SYT1: variants seen among roughly 807,000 people sequenced by gnomAD.
SYT1 encodes the protein synaptotagmin-1.
In SYT1, 8 loss-of-function variants were observed where a neutral mutation model predicts 44.8. The ratio of observed to expected loss-of-function variants is 0.18; its 90% CI spans 0.10 to 0.32. The LOEUF is 0.32. Ranked by LOEUF, SYT1 falls within the 10% of genes least tolerant of loss-of-function variation. The pLI is 1.00. For synonymous variants in SYT1, 154 were observed against 188.8 expected (o/e 0.82, Z 1.51); for missense variants, 286 against 509.3 (o/e 0.56, Z 4.22).
chr12:78,963,058 A>G (rs1185157511), intron 1 of SYT1, among the ~76,000 whole-genome samples: 1 of 152,096 alleles, frequency 6.6e-6, no homozygotes, highest in African/African-American at 2.4e-5. Flanking sequence ...ACCATGAAGT[A>G]TTTGACCTTC....
At chr12:79,214,522 A>T (rs116965668) in intron 3 of SYT1, among the ~76,000 whole-genome samples, 229 of 152,310 alleles carry the variant, frequency 1.5e-3, no homozygotes, top group Non-Finnish European at 2.7e-3. Flanking sequence ...TATATGTAGA[A>T]ATTTTTTATG....
intron 9 of SYT1, among the ~76,000 whole-genome samples, chr12:79,428,450 G>C (rs183118143): frequency 1.4e-4 from 21 of 152,284 alleles, no homozygotes; most frequent in African/African-American, 4.6e-4. Context: ...AGGCCTTTAA[G>C]TGTCTTTTCC....
At chr12:79,004,814 A>T (rs1870969087) in intron 2 of SYT1, among the ~76,000 whole-genome samples, 1 of 152,008 alleles carries the variant, frequency 6.6e-6, no homozygotes, top group Non-Finnish European at 1.5e-5. Flanking sequence ...TGATTCAGTA[A>T]CTTGCCCAGG....
chr12:79,441,145 C>T (rs1172324353), intron 9 of SYT1, among the ~76,000 whole-genome samples: 1 of 152,166 alleles, frequency 6.6e-6, no homozygotes, highest in Non-Finnish European at 1.5e-5. Context: ...TAAGTTTCTT[C>T]CAGCTTTTGT....
chr12:79,081,569 G>A (rs1176678608), intron 3 of SYT1, among the ~76,000 whole-genome samples: 1 of 151,776 alleles, frequency 6.6e-6, no homozygotes, highest in Non-Finnish European at 1.5e-5. Flanking sequence ...TAGTGGAGAC[G>A]GGTTTCATCA....
chr12:78,875,681 G>A (rs1874029864), intron 1 of SYT1, among the ~76,000 whole-genome samples: 1 of 151,632 alleles, frequency 6.6e-6, no homozygotes, highest in Non-Finnish European at 1.5e-5. Flanking sequence ...ATCTCACCAT[G>A]CTTTAAATAT....
chr12:79,409,906 A>G (rs1333505713), intron 9 of SYT1, among the ~76,000 whole-genome samples: 2 of 149,914 alleles, frequency 1.3e-5, no homozygotes, highest in Non-Finnish European at 3.0e-5. Flanking sequence ...AAGAAAAAGT[A>G]TCACTCTAAA....
At chr12:78,881,955 A>G (rs1874480214) in intron 1 of SYT1, among the ~76,000 whole-genome samples, 2 of 141,852 alleles carry the variant, frequency 1.4e-5, no homozygotes, top group Admixed American at 7.1e-5. Flanking sequence ...TTTGTCTCCC[A>G]TTATATTTCC....
intron 1 of SYT1, among the ~76,000 whole-genome samples, chr12:78,906,609 G>A (rs1041690064): frequency 6.6e-6 from 1 of 152,104 alleles, no homozygotes; most frequent in Non-Finnish European, 1.5e-5. Flanking sequence ...AAGTTGTGAG[G>A]GATACACTGG....
At chr12:78,979,740 T>A (rs1187143748) in intron 2 of SYT1, among the ~76,000 whole-genome samples, 1 of 152,136 alleles carries the variant, frequency 6.6e-6, no homozygotes, top group African/African-American at 2.4e-5. Flanking sequence ...ATTAAGGATA[T>A]GGATGTCTGT....
chr12:79,233,089 A>AT (rs1456567933), intron 4 of SYT1, among the ~76,000 whole-genome samples: 1 of 149,226 alleles, frequency 6.7e-6, no homozygotes, highest in Non-Finnish European at 1.5e-5. Context: ...TTCATTGTTT[A>AT]TTTTTTTCTC....
intron 2 of SYT1, among the ~76,000 whole-genome samples, chr12:79,034,936 C>A (rs1222511150): frequency 6.6e-6 from 1 of 151,546 alleles, no homozygotes; most frequent in Non-Finnish European, 1.5e-5. Flanking sequence ...TGATTATTTC[C>A]TATTTTATTT....
intron 1 of SYT1, among the ~76,000 whole-genome samples, chr12:78,867,123 G>T (rs760240855): frequency 5.9e-5 from 9 of 151,432 alleles, no homozygotes; most frequent in Non-Finnish European, 8.8e-5. Flanking sequence ...GCCACCTTTT[G>T]GTTACAAGGA....
chr12:79,338,729 G>T (rs899676501), intron 8 of SYT1, among the ~76,000 whole-genome samples: 4 of 131,140 alleles, frequency 3.1e-5, no homozygotes, highest in African/African-American at 1.1e-4. Flanking sequence ...GTGCAGGTTT[G>T]TTACATATGT....
chr12:79,265,556 C>T (rs1878079661), intron 4 of SYT1, among the ~76,000 whole-genome samples: 1 of 152,034 alleles, frequency 6.6e-6, no homozygotes, highest in Non-Finnish European at 1.5e-5. Flanking sequence ...TCAGCAGAGA[C>T]ACAAAAGAAT....
At chr12:79,111,602 T>G (rs1327655282) in intron 3 of SYT1, among the ~76,000 whole-genome samples, 1 of 152,072 alleles carries the variant, frequency 6.6e-6, no homozygotes. Flanking sequence ...TATTTCAAAG[T>G]ATCTCACAGT....
intron 9 of SYT1, among the ~76,000 whole-genome samples, chr12:79,382,254 C>T (rs1015347348): frequency 1.3e-5 from 2 of 152,128 alleles, no homozygotes; most frequent in African/African-American, 2.4e-5. Context: ...GCCTATAATG[C>T]TCTAAAGTTG....
intron 3 of SYT1, among the ~76,000 whole-genome samples, chr12:79,215,423 C>T (rs1874725211): frequency 6.6e-6 from 1 of 152,126 alleles, no homozygotes; most frequent in Non-Finnish European, 1.5e-5. Flanking sequence ...GTCTGATTAT[C>T]CTCATTTTAC....
chr12:79,117,122 A>G (rs1879316780), intron 3 of SYT1, among the ~76,000 whole-genome samples: 1 of 152,190 alleles, frequency 6.6e-6, no homozygotes. Context: ...GCAATATACA[A>G]AGACAGATTA....
Sources: gnomAD v4.1 joint callset for allele counts (sites outside exome capture counted in the v4.1 genomes callset) on GRCh38, gnomAD v4.1.1 for gene constraint, MANE v1.5 for transcripts, NCBI Gene and HGNC (gene_info 2026-07-23, HGNC 2026-07-21) for gene names.